The following NUP153 variants were observed in gnomAD, a reference collection of about 807,000 sequenced individuals.
NUP153 encodes nuclear pore complex protein Nup153.
In NUP153, 27 loss-of-function variants were observed where a neutral mutation model predicts 134.6. That is an observed-to-expected ratio of 0.20 (90% CI 0.15 to 0.28). The LOEUF is 0.28. NUP153 is among the 10% of genes least tolerant of loss of function. The pLI, the probability that NUP153 is intolerant of heterozygous loss-of-function variation, is 1.00. For missense variants in NUP153, 1,821 were observed against 1,731.3 expected, an observed-to-expected ratio of 1.05 and a Z score of -0.92; for synonymous variants, 640 against 623.5, an observed-to-expected ratio of 1.03 and a Z score of -0.40.
chr6:17,659,750 C>A (rs532711547), intron 11 of NUP153, among the ~76,000 whole-genome samples: 1 of 152,286 alleles, frequency 6.6e-6, no homozygotes, highest in South Asian at 2.1e-4. Context: ...GGATTACAGG[C>A]ATGAGCCACC....
chr6:17,629,528 A>T lies in NUP153; in HGVS notation c.2671T>A (p.Ser891Thr), dbSNP rs1765124712. The T allele has an allele frequency of 6.3e-7, 1 of 1,593,844 alleles. No homozygotes were observed. The highest frequency in any genetic ancestry group is 1.4e-5 in the African/African-American group (1 of 73,626). The change falls in exon 18 of 22, where the codon TCT becomes ACT. Residue 891 changes from serine to threonine, a missense_variant. Coordinates refer to ENST00000262077, the MANE Select transcript of NUP153 (RefSeq NM_005124.4). ...TKSGFKGFDT[S>T]SSSSNSAASS... ...GCTGCTGAGTTCGAAGATGAGGAAG[A>T]TGTGTCAAAGCCTACAAAAATATAA...
At chr6:17,699,774 G>A (rs991100843) in intron 1 of NUP153, among the ~76,000 whole-genome samples, 17 of 152,094 alleles carry the variant, frequency 1.1e-4, no homozygotes, top group African/African-American at 4.1e-4. Context: ...GGCAGAGACT[G>A]CAGTGAGCCA....
chr6:17,617,377 GA>G (rs1764386467), intron 20 of NUP153, among the ~76,000 whole-genome samples: 1 of 150,310 alleles, frequency 6.7e-6, no homozygotes, highest in African/African-American at 2.5e-5. Flanking sequence ...GAGCAGTAGG[GA>G]AAGAACAGAA....
chr6:17,649,180 G>C lies in NUP153; in HGVS notation c.1516C>G (p.Gln506Glu). The C allele has an allele frequency of 1.2e-6, 2 of 1,613,370 alleles. No homozygotes were observed. Among genetic ancestry groups the C allele is most frequent in the Non-Finnish European group, 1.7e-6 (2 of 1,179,704 alleles). Residue 506 changes from glutamine (Q) to glutamate (E), a missense_variant, in exon 12 of 22, where the codon CAA becomes GAA. By Grantham distance (29) the Gln-to-Glu change is conservative (BLOSUM62 2). Transcript: ENST00000262077. ...TTTTGTACCTTGTTTGTTAATGCTT[G>C]AGACGAATTGATGGGTGATGGAGAG... ...TSSPSPINSS[Q>E]ALTNKVQMTS...
chr6:17,664,749 C>CT (rs1200226664), intron 9 of NUP153, among the ~76,000 whole-genome samples: 1 of 152,070 alleles, frequency 6.6e-6, no homozygotes, highest in Non-Finnish European at 1.5e-5. Flanking sequence ...TCAACACTAA[C>CT]TTAAGATCTG....
intron 11 of NUP153, among the ~76,000 whole-genome samples, chr6:17,650,428 A>C (rs1766441806): frequency 6.6e-6 from 1 of 152,224 alleles, no homozygotes; most frequent in South Asian, 2.1e-4. Context: ...TAAACTACAC[A>C]GCTGTAAGGC....
intron 2 of NUP153, among the ~76,000 whole-genome samples, chr6:17,682,184 A>C (rs988881687): frequency 1.3e-5 from 2 of 152,194 alleles, no homozygotes; most frequent in Non-Finnish European, 2.9e-5. Context: ...TTTACACTAC[A>C]CTATAGCCTA....
Position 17,706,515 on chromosome 6 carries a change from T to TG in NUP153, c.-129dup. 1 of 655,664 alleles carries TG rather than the reference T, an allele frequency of 1.5e-6. No individual in the cohort carries two copies. The highest frequency in any genetic ancestry group is 1.9e-5 in the South Asian group (1 of 53,022). 40.6% of individuals were successfully genotyped at this position (655,664 alleles called of 1,614,324 possible). A position where few individuals can be genotyped will look rare whatever the true frequency, so the allele number is the denominator to read the frequency against. Reference sequence around the variant, plus strand: ...AAGTCCGCCCGCGCTGTCCACACAGTGGGCACAAGCACCCCAGGAACCGCG... The same window carrying TG: ...AAGTCCGCCCGCGCTGTCCACACAGTGGGGCACAAGCACCCCAGGAACCGCG... On this transcript the variant is annotated 5_prime_UTR_variant, in exon 1 of 22. Transcript: ENST00000262077. The surrounding 1 kb of genome is among the most constrained non-coding windows in gnomAD (Gnocchi z 5.9).
At position 17,645,718 on chromosome 6, in the gene NUP153, T is replaced by C. The variant is rs13208979; in HGVS notation, c.1720+349A>G. ...TGAAAGGTAAAAACTAGAAATAAAA[T>C]CTACTACAACTATAATGTAGACAAC... On this transcript the variant is annotated intron_variant, in intron 14 of 21. Transcript: ENST00000262077. Among the ~76,000 whole-genome samples, 641 of 152,268 alleles carry C rather than the reference T, an allele frequency of 4.2e-3. 2 individuals are homozygous for C. The highest frequency in any genetic ancestry group is 7.9e-3 in the Non-Finnish European group (534 of 68,022).
At chr6:17,667,255 G>A (rs1288952906) in intron 8 of NUP153, among the ~76,000 whole-genome samples, 1 of 152,066 alleles carries the variant, frequency 6.6e-6, no homozygotes, top group Non-Finnish European at 1.5e-5. Flanking sequence ...TCCAAAAATT[G>A]AGAAGCAACA....
intron 2 of NUP153, among the ~76,000 whole-genome samples, chr6:17,681,267 C>T (rs1426855172): frequency 6.6e-6 from 1 of 151,396 alleles, no homozygotes; most frequent in Non-Finnish European, 1.5e-5. Context: ...ATGACGAATA[C>T]CAGTGGGCAA....
chr6:17,629,162 C>A lies in NUP153; in HGVS notation c.3037G>T (p.Glu1013Ter). 6.2e-7 allele frequency: 1 copy of A among 1,613,110 alleles called. No homozygotes were observed. Among genetic ancestry groups the A allele is most frequent in the East Asian group, 2.2e-5 (1 of 44,884 alleles). Residue 1013 changes from glutamate (E) to a stop codon, truncating the protein, a stop_gained, in exon 18 of 22, where the codon GAA becomes TAA. Coordinates refer to ENST00000262077, the MANE Select transcript of NUP153 (RefSeq NM_005124.4). LOFTEE classifies it high-confidence loss of function. ...SNLGQEEKKE[E>*]LPKSSSAGFS... Reference sequence around the variant, plus strand: ...CCTGCAGAGGAAGATTTGGGCAGTTCCTCTTTCTTTTCTTCCTGTCCAAGA... The same window carrying A: ...CCTGCAGAGGAAGATTTGGGCAGTTACTCTTTCTTTTCTTCCTGTCCAAGA...
chr6:17,630,752 GGAGGGGAGAGGGGA>G (rs200077609), intron 17 of NUP153, among the ~76,000 whole-genome samples: 5 of 146,244 alleles, frequency 3.4e-5, no homozygotes, highest in African/African-American at 1.3e-4. Flanking sequence ...AGGGGAGAAG[GGAGGGGAGAGGGGA>G]GAGGGGAGAG....
intron 12 of NUP153, among the ~76,000 whole-genome samples, chr6:17,648,409 G>A (rs190100335): frequency 6.6e-6 from 1 of 152,274 alleles, no homozygotes; most frequent in Non-Finnish European, 1.5e-5. Flanking sequence ...CTGAAGTCAG[G>A]AGTTCAAGAT....
chr6:17,702,367 C>T (rs1355264245), intron 1 of NUP153, among the ~76,000 whole-genome samples: 3 of 152,118 alleles, frequency 2.0e-5, no homozygotes, highest in South Asian at 2.1e-4. Flanking sequence ...ATTAGCCGGA[C>T]GTGGTGGCAA....
intron 1 of NUP153, among the ~76,000 whole-genome samples, chr6:17,690,770 G>A (rs1480479624): frequency 6.6e-6 from 1 of 152,096 alleles, no homozygotes; most frequent in East Asian, 1.9e-4. Flanking sequence ...TCAAGACAGA[G>A]GCCTTAAAAT....
rs1229110979 is a variant in NUP153 at position 17,637,715 on chromosome 6, T to C, written c.1902A>G (p.Pro634=). 6.2e-7 allele frequency: 1 copy of C among 1,608,038 alleles called. No individual in the cohort carries two copies. The highest frequency in any genetic ancestry group is 8.5e-7 in the Non-Finnish European group (1 of 1,179,970). The change falls in exon 16 of 22, where the codon CCA becomes CCG. Residue 634 remains proline (P), a synonymous_variant. Transcript: ENST00000262077. ...SVAAQPTATS[P]VVYTRPAISS... is the part of the protein sequence containing the mutation. ...TTATTGCTGGTCTTGTATAAACTAC[T>C]GGGCTTGTTGCGGTGGGCTGAGCAG...
chr6:17,689,600 G>A (rs928853264), intron 1 of NUP153, among the ~76,000 whole-genome samples: 2 of 150,392 alleles, frequency 1.3e-5, no homozygotes, highest in African/African-American at 2.5e-5. Context: ...GCAACGGTGC[G>A]ATCTCGGCTC....
In NUP153 at chr6:17,624,813, TTCCAAATACAAA is replaced by T. The variant is rs761417354; in HGVS notation, c.3910_3921del (p.Phe1304_Gly1307del). 6.2e-7 allele frequency: 1 copy of T among 1,608,784 alleles called. No individual in the cohort carries two copies. Among genetic ancestry groups the T allele is most frequent in the Non-Finnish European group, 8.5e-7 (1 of 1,176,462 alleles). The stretch of plus-strand genomic sequence containing the variant: ...CTGGCAGATGGTGCTGAGGGTCCAG[TTCCAAATACAAA>T]GGAGGATCCTGGAGGCCCAAAGAAA... On this transcript the variant is annotated inframe_deletion, in exon 20 of 22. Transcript: ENST00000262077.
Sources: allele counts gnomAD v4.1 joint callset (sites outside exome capture counted in the v4.1 genomes callset), GRCh38; gene constraint gnomAD v4.1.1; non-coding constraint Gnocchi (gnomAD v3.1); transcripts MANE v1.5; gene names NCBI Gene and HGNC (gene_info 2026-07-23, HGNC 2026-07-21).